The following PPP4R4 variants were observed in gnomAD, a reference collection of about 807,000 sequenced individuals.
The protein encoded by PPP4R4 is serine/threonine-protein phosphatase 4 regulatory subunit 4.
In PPP4R4, 70 loss-of-function variants were observed where a neutral mutation model predicts 121.8. The ratio of observed to expected loss-of-function variants is 0.57; its 90% CI spans 0.47 to 0.70. The LOEUF (loss-of-function observed/expected upper bound fraction) is 0.70. Ranked by LOEUF, PPP4R4 falls within the 30% of genes least tolerant of loss-of-function variation. The probability of loss-of-function intolerance (pLI) is 0.00; values close to 1 mark genes in which losing one functional copy is unlikely to be tolerated. For missense variants in PPP4R4, 875 were observed against 1,033.6 expected, an observed-to-expected ratio of 0.85 and a Z score of 2.10; for synonymous variants, 348 against 355.7, an observed-to-expected ratio of 0.98 and a Z score of 0.24.
chr14:94,245,660 A>G lies in PPP4R4; in HGVS notation c.1418A>G (p.Gln473Arg). ...TCTACTGGTGGAGAAAGCAGTGTTCAAGAAAATAAGGTAAACTTCATCTTT... is the reference window on the plus strand; with the variant it reads ...TCTACTGGTGGAGAAAGCAGTGTTCGAGAAAATAAGGTAAACTTCATCTTT... The part of the protein sequence containing the change: ...LMSTGGESSV[Q>R]ENKLSSLPDL... Residue 473 changes from glutamine to arginine, a missense_variant, in exon 13 of 25, where the codon CAA becomes CGA. Physicochemically the swap from Gln to Arg is conservative, Grantham distance 43. Coordinates refer to ENST00000304338, the MANE Select transcript of PPP4R4 (RefSeq NM_058237.2). 6.3e-7 allele frequency: 1 copy of G among 1,586,732 alleles called. No homozygotes were observed. The highest frequency in any genetic ancestry group is 1.1e-5 in the South Asian group (1 of 89,052).
At chr14:94,267,373 C>A (rs1242607163) in intron 23 of PPP4R4, among the ~76,000 whole-genome samples, 1 of 152,150 alleles carries the variant, frequency 6.6e-6, no homozygotes, top group Non-Finnish European at 1.5e-5. Context: ...CACTGTAAAT[C>A]TAGATGAACA....
chr14:94,193,325 G>A (rs1307342967), intron 2 of PPP4R4, among the ~76,000 whole-genome samples: 1 of 152,092 alleles, frequency 6.6e-6, no homozygotes, highest in Non-Finnish European at 1.5e-5. Flanking sequence ...GTAGTATAGT[G>A]GTTGGTATGA....
intron 5 of PPP4R4, among the ~76,000 whole-genome samples, chr14:94,233,165 G>A (rs1166241233): frequency 2.6e-5 from 4 of 152,122 alleles, no homozygotes; most frequent in African/African-American, 4.8e-5. Flanking sequence ...GGCTGTTGTA[G>A]TATTTGAGTG....
Position 94,236,345 on chromosome 14 carries a change from A to C in PPP4R4, c.732-1220A>C, listed in dbSNP as rs1262637201. Among the ~76,000 whole-genome samples the C allele has an allele frequency of 2.0e-5, 3 of 152,332 alleles. No individual in the cohort carries two copies. The East Asian group carries it at 5.8e-4, about 29-fold the overall frequency. On this transcript the variant is annotated intron_variant, in intron 7 of 24. Coordinates refer to ENST00000304338, the MANE Select transcript of PPP4R4 (RefSeq NM_058237.2). ...AAACTATTTTCTTTCATTGTTAATAAATTCAAGGATTTCAGTAGGTATACA... is the reference window on the plus strand; with the variant it reads ...AAACTATTTTCTTTCATTGTTAATACATTCAAGGATTTCAGTAGGTATACA...
intron 9 of PPP4R4, among the ~76,000 whole-genome samples, chr14:94,241,327 T>C (rs1017913086): frequency 6.6e-6 from 1 of 152,088 alleles, no homozygotes; most frequent in African/African-American, 2.4e-5. Flanking sequence ...AACCATTCCA[T>C]TGATTAAAAA....
At chr14:94,232,154 T>C (rs1487546618) in intron 5 of PPP4R4, among the ~76,000 whole-genome samples, 1 of 152,186 alleles carries the variant, frequency 6.6e-6, no homozygotes, top group East Asian at 1.9e-4. Context: ...CTAAAGACTT[T>C]AAATAAATTA....
chr14:94,264,545 C>T (rs898315205), intron 19 of PPP4R4, among the ~76,000 whole-genome samples: 1 of 152,110 alleles, frequency 6.6e-6, no homozygotes. Flanking sequence ...ATTATTTAGC[C>T]ATTTACCAAT....
intron 2 of PPP4R4, 46 bp from the exon 3 acceptor site, chr14:94,208,418 A>C: frequency 7.2e-7 from 1 of 1,396,468 alleles, no homozygotes; most frequent in Non-Finnish European, 1.0e-6. Flanking sequence ...GTGCAGAGGA[A>C]TTCAGCTTAT....
chr14:94,181,471 T>C (rs1888990886), intron 2 of PPP4R4, among the ~76,000 whole-genome samples: 1 of 152,234 alleles, frequency 6.6e-6, no homozygotes, highest in African/African-American at 2.4e-5. Context: ...ATTTTCAACA[T>C]CAAATTTTAA....
At chr14:94,237,965 G>A (rs190849567) in intron 8 of PPP4R4, among the ~76,000 whole-genome samples, 18 of 152,324 alleles carry the variant, frequency 1.2e-4, no homozygotes, top group Non-Finnish European at 4.4e-5. Flanking sequence ...GGAAGTTCAA[G>A]ATCAGGCAGC....
chr14:94,265,434 A>C lies in PPP4R4; in HGVS notation c.2245A>C (p.Ile749Leu). 1 of 1,613,268 alleles carries C rather than the reference A, an allele frequency of 6.2e-7. No homozygotes were observed. The highest frequency in any genetic ancestry group is 2.2e-5 in the East Asian group (1 of 44,864). ...GCAAAGTCTGCCCAAGAACATCCCC[A>C]TTTCTGTTCCTGGACCCTCTTCTGT... Reference protein sequence around the residue: ...PTQSLPKNIPISVPGPSSVTP... With the variant: ...PTQSLPKNIPLSVPGPSSVTP... Residue 749 changes from isoleucine to leucine, a missense_variant, in exon 21 of 25, where the codon ATT becomes CTT. Transcript: ENST00000304338.
Position 94,228,286 on chromosome 14 carries a change from C to T in PPP4R4, c.295-2301C>T, listed in dbSNP as rs1891830909. 3.9e-5 allele frequency among the ~76,000 whole-genome samples: 6 copies of T among 152,252 alleles called. No individual in the cohort carries two copies. The South Asian group carries it at 8.3e-4, about 21-fold the overall frequency. ...AAATGATGAATGGAAGTGCAGAGTC[C>T]GTGAGGAAGAATTCAGTGCATAGGA... On this transcript the variant is annotated intron_variant, in intron 3 of 24. Transcript: ENST00000304338.
intron 2 of PPP4R4, among the ~76,000 whole-genome samples, chr14:94,184,900 T>C (rs1344519637): frequency 1.3e-5 from 2 of 152,228 alleles, no homozygotes; most frequent in African/African-American, 4.8e-5. Flanking sequence ...TTACAGTATC[T>C]TATTAATTTA....
intron 2 of PPP4R4, among the ~76,000 whole-genome samples, chr14:94,187,666 A>G (rs1031531787): frequency 2.0e-5 from 3 of 152,066 alleles, no homozygotes; most frequent in African/African-American, 7.2e-5. Flanking sequence ...CAACTCCAGG[A>G]AACTGCATTG....
chr14:94,217,672 G>T (rs1891099705), intron 3 of PPP4R4, among the ~76,000 whole-genome samples: 1 of 152,214 alleles, frequency 6.6e-6, no homozygotes. Flanking sequence ...TTTCAACAGA[G>T]AGAGGATCTA....
At chr14:94,255,618 G>A (rs564486451) in intron 16 of PPP4R4, among the ~76,000 whole-genome samples, 13 of 151,268 alleles carry the variant, frequency 8.6e-5, no homozygotes, top group African/African-American at 1.5e-4. Context: ...AAAAAAAATG[G>A]TATTCAGAAT....
intron 2 of PPP4R4, among the ~76,000 whole-genome samples, chr14:94,203,707 T>C (rs987175869): frequency 3.3e-5 from 5 of 152,180 alleles, no homozygotes; most frequent in Non-Finnish European, 7.3e-5. Context: ...TTGCTTTTGG[T>C]AGTGTTTTTA....
chr14:94,201,171 C>T (rs2139430715), intron 2 of PPP4R4, among the ~76,000 whole-genome samples: 1 of 152,072 alleles, frequency 6.6e-6, no homozygotes, highest in South Asian at 2.1e-4. Context: ...AATTTTATTC[C>T]ACTGTGGTCT....
intron 23 of PPP4R4, among the ~76,000 whole-genome samples, chr14:94,273,180 C>A (rs1391521408): frequency 6.6e-6 from 1 of 152,138 alleles, no homozygotes; most frequent in Non-Finnish European, 1.5e-5. Context: ...ACACGAAAAT[C>A]TGAGCATGAA....
Sources: allele counts gnomAD v4.1 joint callset (sites outside exome capture counted in the v4.1 genomes callset), GRCh38; gene constraint gnomAD v4.1.1; transcripts MANE v1.5; gene names NCBI Gene and HGNC (gene_info 2026-07-23, HGNC 2026-07-21).